Variants in NRXN3 observed in about 807,000 individuals in gnomAD.
NRXN3 encodes the protein neurexin 3.
In NRXN3, 32 loss-of-function variants were observed where a neutral mutation model predicts 137.6. The observed-to-expected ratio is 0.23, with a 90% CI of 0.18 to 0.31. The LOEUF is 0.31. Ranked by LOEUF, NRXN3 falls within the 10% of genes least tolerant of loss-of-function variation. The pLI, the probability that NRXN3 is intolerant of heterozygous loss-of-function variation, is 1.00. For missense variants in NRXN3, 1,574 were observed against 2,062.5 expected (o/e 0.76, Z 4.59); for synonymous variants, 798 against 784.5 (o/e 1.02, Z -0.29).
At chr14:79,078,028 A>G (rs1428381920) in intron 15 of NRXN3, among the ~76,000 whole-genome samples, 1 of 152,206 alleles carries the variant, frequency 6.6e-6, no homozygotes, top group Non-Finnish European at 1.5e-5. Context: ...CTTTCAAAAA[A>G]TAAAGCTGGT....
intron 8 of NRXN3, among the ~76,000 whole-genome samples, chr14:78,789,439 C>T (rs1399953731): frequency 6.6e-6 from 1 of 152,044 alleles, no homozygotes; most frequent in Non-Finnish European, 1.5e-5. Flanking sequence ...TGGGTGGAGG[C>T]CAGGGATACC....
chr14:78,392,159 G>A (rs190710527), intron 4 of NRXN3, among the ~76,000 whole-genome samples: 85 of 152,284 alleles, frequency 5.6e-4, no homozygotes, highest in African/African-American at 1.8e-3. Flanking sequence ...GAGAAGTTTG[G>A]TCTTAGAAGA....
At chr14:79,400,349 C>A (rs2095158497) in intron 15 of NRXN3, among the ~76,000 whole-genome samples, 1 of 152,134 alleles carries the variant, frequency 6.6e-6, no homozygotes, top group Admixed American at 6.5e-5. Context: ...CTATGAAATC[C>A]TAAGTTAACA....
intron 20 of NRXN3, among the ~76,000 whole-genome samples, chr14:79,843,953 G>C (rs1160637396): frequency 1.3e-5 from 2 of 151,938 alleles, no homozygotes; most frequent in African/African-American, 2.4e-5. Flanking sequence ...TTGTACCTTT[G>C]TGTCCTCATA....
intron 15 of NRXN3, among the ~76,000 whole-genome samples, chr14:79,436,673 G>A (rs1388418401): frequency 2.0e-5 from 3 of 152,092 alleles, no homozygotes; most frequent in African/African-American, 7.2e-5. Flanking sequence ...GTTTTTATTG[G>A]GCAGGCAGCA....
intron 20 of NRXN3, among the ~76,000 whole-genome samples, chr14:79,823,638 G>A (rs1024067978): frequency 6.6e-6 from 1 of 152,184 alleles, no homozygotes; most frequent in Non-Finnish European, 1.5e-5. Context: ...TGTAATCAGA[G>A]AGAAGGGATA....
At chr14:78,320,185 C>T (rs1163924662) in intron 4 of NRXN3, among the ~76,000 whole-genome samples, 1 of 152,138 alleles carries the variant, frequency 6.6e-6, no homozygotes, top group Non-Finnish European at 1.5e-5. Context: ...CTTTGGCTTC[C>T]CCAGGGACTA....
chr14:79,029,672 T>A (rs2099604178), intron 15 of NRXN3, among the ~76,000 whole-genome samples: 1 of 152,156 alleles, frequency 6.6e-6, no homozygotes, highest in Non-Finnish European at 1.5e-5. Context: ...ACACAGTAGC[T>A]GCCAGTAGTA....
chr14:79,041,264 ATTT>A (rs1405647087), intron 15 of NRXN3, among the ~76,000 whole-genome samples: 2 of 152,176 alleles, frequency 1.3e-5, no homozygotes, highest in Admixed American at 6.5e-5. Flanking sequence ...TAGTTCAGAA[ATTT>A]TTGTGAAATA....
intron 4 of NRXN3, among the ~76,000 whole-genome samples, chr14:78,423,926 T>C (rs1598487158): frequency 6.6e-6 from 1 of 152,218 alleles, no homozygotes; most frequent in Non-Finnish European, 1.5e-5. Context: ...GGCACAAATA[T>C]ATGAACAAGC....
intron 18 of NRXN3, among the ~76,000 whole-genome samples, chr14:79,692,764 G>A (rs1036614031): frequency 2.6e-5 from 4 of 151,898 alleles, no homozygotes; most frequent in Admixed American, 1.3e-4. Context: ...ATTGTAAGGG[G>A]AGCATTTTTT....
intron 16 of NRXN3, among the ~76,000 whole-genome samples, chr14:79,645,418 C>A (rs112433392): frequency 0.077 from 10,269 of 133,116 alleles, 2,559 homozygotes; most frequent in Middle Eastern, 0.16. Context: ...GAGTTCGAGA[C>A]CAGCCTGGCC....
chr14:79,440,150 G>A (rs1333875010), intron 15 of NRXN3, among the ~76,000 whole-genome samples: 1 of 152,138 alleles, frequency 6.6e-6, no homozygotes, highest in Non-Finnish European at 1.5e-5. Context: ...TTTACCCTAT[G>A]GAAGCTTATA....
intron 17 of NRXN3, among the ~76,000 whole-genome samples, chr14:79,679,786 A>G (rs1289826443): frequency 6.6e-6 from 1 of 152,212 alleles, no homozygotes; most frequent in African/African-American, 2.4e-5. Context: ...AATTTTACAT[A>G]ATCATTGGCC....
intron 15 of NRXN3, among the ~76,000 whole-genome samples, chr14:79,253,895 G>A (rs1029463950): frequency 1.3e-5 from 2 of 152,156 alleles, no homozygotes; most frequent in African/African-American, 4.8e-5. Flanking sequence ...CAAGCAAGTG[G>A]GTGCCCAAAA....
At chr14:78,746,624 G>A (rs935730606) in intron 8 of NRXN3, among the ~76,000 whole-genome samples, 3 of 152,236 alleles carry the variant, frequency 2.0e-5, no homozygotes, top group Non-Finnish European at 4.4e-5. Context: ...TGAGAACTGG[G>A]GAAGTCCTCT....
intron 4 of NRXN3, among the ~76,000 whole-genome samples, chr14:78,323,964 TG>T (rs1294605346): frequency 2.0e-5 from 3 of 152,098 alleles, no homozygotes; most frequent in Non-Finnish European, 4.4e-5. Context: ...GAGTGCTTCA[TG>T]GCCATTATCT....
intron 6 of NRXN3, among the ~76,000 whole-genome samples, chr14:78,663,963 C>T (rs569601221): frequency 6.6e-6 from 1 of 152,320 alleles, no homozygotes; most frequent in East Asian, 1.9e-4. Context: ...ACGACTATTC[C>T]ATTAGTGTTG....
intron 15 of NRXN3, among the ~76,000 whole-genome samples, chr14:79,247,657 G>T (rs2075372026): frequency 6.6e-6 from 1 of 151,986 alleles, no homozygotes; most frequent in Non-Finnish European, 1.5e-5. Context: ...CTAGGTAGTT[G>T]TCTTATTCTC....
Sources: gnomAD v4.1 joint callset for allele counts (sites outside exome capture counted in the v4.1 genomes callset) on GRCh38, gnomAD v4.1.1 for gene constraint, MANE v1.5 for transcripts, NCBI Gene and HGNC (gene_info 2026-07-23, HGNC 2026-07-21) for gene names.